PHACTR4: variants seen among roughly 807,000 people sequenced by gnomAD.
The protein encoded by PHACTR4 is protein phosphatase 1, regulatory subunit 124.
Under a neutral mutation model 72.7 loss-of-function variants are expected in PHACTR4, and 51 were observed. That is an observed-to-expected ratio of 0.70 (90% CI 0.56 to 0.89). PHACTR4 has a LOEUF of 0.89. Ranked by LOEUF, PHACTR4 falls within the 40% of genes least tolerant of loss-of-function variation. The pLI is 0.00. For synonymous variants in PHACTR4, 255 were observed against 302.5 expected (o/e 0.84, Z 1.63); for missense variants, 731 against 861.8 (o/e 0.85, Z 1.90).
chr1:28,408,747 C>G (rs1654554221), intron 2 of PHACTR4, among the ~76,000 whole-genome samples: 1 of 150,988 alleles, frequency 6.6e-6, no homozygotes, highest in Non-Finnish European at 1.5e-5. Context: ...ACCATCACAG[C>G]TCACTGCAGC....
At chr1:28,486,386 G>GTGA (rs1472125095) in intron 9 of PHACTR4, among the ~76,000 whole-genome samples, 1 of 152,002 alleles carries the variant, frequency 6.6e-6, no homozygotes, top group Non-Finnish European at 1.5e-5. Flanking sequence ...AAATACAGGA[G>GTGA]TGATATGTTC....
rs1156358750 is a variant in PHACTR4, at chr1:28,395,204, G to A, written c.-38-12206G>A. Among the ~76,000 whole-genome samples the A allele has an allele frequency of 3.9e-5, 6 of 152,030 alleles. No homozygotes were observed. In the South Asian group the frequency reaches 8.3e-4, roughly 21 times the overall value. On this transcript the variant is annotated intron_variant, in intron 1 of 13. Transcript: ENST00000373839. Reference sequence around the variant, plus strand: ...CTGGGATACAGCCATGAGCCACCAGGCCCGGCTGGCCATCTTTTAAAAGTA... The same window carrying A: ...CTGGGATACAGCCATGAGCCACCAGACCCGGCTGGCCATCTTTTAAAAGTA...
At chr1:28,474,267 C>A in intron 7 of PHACTR4, 116 bp downstream of exon 7, 1 of 979,698 alleles carries the variant, frequency 1.0e-6, no homozygotes, top group Non-Finnish European at 1.5e-6. Flanking sequence ...CACCTGTAAG[C>A]CCAGCACTTT....
chr1:28,387,154 G>A (rs1353763981), intron 1 of PHACTR4, among the ~76,000 whole-genome samples: 1 of 151,640 alleles, frequency 6.6e-6, no homozygotes, highest in Non-Finnish European at 1.5e-5. Context: ...CCAGCTACTC[G>A]GGAGGCTGAG....
intron 1 of PHACTR4, among the ~76,000 whole-genome samples, chr1:28,393,753 T>C (rs1170588160): frequency 2.0e-5 from 3 of 152,172 alleles, no homozygotes; most frequent in Non-Finnish European, 4.4e-5. Flanking sequence ...TTGCCCAGGC[T>C]GGAGTGCAAT....
intron 2 of PHACTR4, among the ~76,000 whole-genome samples, chr1:28,440,684 G>A (rs1461906871): frequency 1.6e-4 from 25 of 152,034 alleles, no homozygotes; most frequent in Admixed American, 1.6e-3. Flanking sequence ...TTGACTATCA[G>A]CAGTTTTCAT....
chr1:28,466,500 A>G lies in PHACTR4; in HGVS notation c.555A>G (p.Gln185=). ...LSSSHEASEG[Q]AKDATSSGGT... is the part of the protein sequence containing the mutation. ...CTTCTCATGAAGCAAGTGAAGGGCAAGCAAAGGATGCCACTTCCTCTGGCG... is the reference window on the plus strand; with the variant it reads ...CTTCTCATGAAGCAAGTGAAGGGCAGGCAAAGGATGCCACTTCCTCTGGCG... Residue 185 remains glutamine (Q), a synonymous_variant, in exon 6 of 14, where the codon CAA becomes CAG. Transcript: ENST00000373839. 1 of 1,614,136 alleles carries G rather than the reference A, an allele frequency of 6.2e-7. No homozygotes were observed. Among genetic ancestry groups the G allele is most frequent in the Non-Finnish European group, 8.5e-7 (1 of 1,180,026 alleles).
chr1:28,379,729 A>G (rs1651991157), intron 1 of PHACTR4, among the ~76,000 whole-genome samples: 1 of 151,362 alleles, frequency 6.6e-6, no homozygotes, highest in Admixed American at 6.6e-5. Flanking sequence ...AGCTGGGACT[A>G]CAGGCGCCCG....
intron 1 of PHACTR4, among the ~76,000 whole-genome samples, chr1:28,390,741 C>T (rs941745167): frequency 2.6e-5 from 4 of 151,676 alleles, no homozygotes; most frequent in East Asian, 2.0e-4. Context: ...TGCAGTGAGC[C>T]GAGATCACGC....
intron 2 of PHACTR4, among the ~76,000 whole-genome samples, chr1:28,432,636 G>T (rs61783838): frequency 0.39 from 58,471 of 151,616 alleles, 12,947 homozygotes; most frequent in African/African-American, 0.6. Context: ...GACTCTGTCT[G>T]TAAAAAAAAA....
At chr1:28,425,281 G>C (rs963779350) in intron 2 of PHACTR4, among the ~76,000 whole-genome samples, 23 of 151,732 alleles carry the variant, frequency 1.5e-4, no homozygotes, top group African/African-American at 5.3e-4. Flanking sequence ...ACCACACCCA[G>C]CTAAGTTTTG....
intron 7 of PHACTR4, among the ~76,000 whole-genome samples, chr1:28,475,336 A>G (rs1247923700): frequency 6.6e-6 from 1 of 152,118 alleles, no homozygotes; most frequent in African/African-American, 2.4e-5. Context: ...ATGTACATGA[A>G]AAATTACAAC....
At chr1:28,454,005 CAG>C in intron 2 of PHACTR4, 1 of 436,878 alleles carries the variant, frequency 2.3e-6, no homozygotes. Flanking sequence ...CCCTTGAGCT[CAG>C]GGGTTTGAGA....
chr1:28,436,787 AT>A (rs540573842), intron 2 of PHACTR4, among the ~76,000 whole-genome samples: 6 of 152,210 alleles, frequency 3.9e-5, no homozygotes, highest in Non-Finnish European at 8.8e-5. Context: ...TTAGTTACGG[AT>A]AAAAAAGGAA....
At chr1:28,462,063 A>G (rs1658850733) in intron 4 of PHACTR4, among the ~76,000 whole-genome samples, 1 of 151,558 alleles carries the variant, frequency 6.6e-6, no homozygotes, top group African/African-American at 2.4e-5. Flanking sequence ...GCTGGAGTGC[A>G]GTGGTGTGAT....
rs1013213312 is a variant in PHACTR4 at position 28,407,426 on chromosome 1, C to G, written c.-22C>G. On this transcript the variant is annotated 5_prime_UTR_variant, in exon 2 of 14. Coordinates refer to ENST00000373839, the MANE Select transcript of PHACTR4 (RefSeq NM_001048183.3). ...TCTTTTTAGAAACAGTATCTCACCT[C>G]CCTAAACTGGTTAATAGTGGCATGG... is the stretch of plus-strand genomic sequence containing the variant. 1 of 1,599,750 alleles carries G rather than the reference C, an allele frequency of 6.3e-7. No individual in the cohort carries two copies. The highest frequency in any genetic ancestry group is 8.6e-7 in the Non-Finnish European group (1 of 1,168,550).
intron 2 of PHACTR4, among the ~76,000 whole-genome samples, chr1:28,447,203 G>C (rs1182327446): frequency 2.0e-5 from 3 of 151,550 alleles, no homozygotes; most frequent in African/African-American, 7.3e-5. Context: ...GTAGAGACGG[G>C]GTTTCGCCGT....
At chr1:28,415,834 TA>T (rs1374137620) in intron 2 of PHACTR4, among the ~76,000 whole-genome samples, 1 of 152,218 alleles carries the variant, frequency 6.6e-6, no homozygotes, top group African/African-American at 2.4e-5. Context: ...TTGTATCATA[TA>T]GGAAATAGGA....
chr1:28,415,949 C>T (rs1655079748), intron 2 of PHACTR4, among the ~76,000 whole-genome samples: 1 of 152,002 alleles, frequency 6.6e-6, no homozygotes, highest in Admixed American at 6.6e-5. Flanking sequence ...TATGATGATG[C>T]TATAAAGGAG....
Sources: allele counts gnomAD v4.1 joint callset (sites outside exome capture counted in the v4.1 genomes callset), GRCh38; gene constraint gnomAD v4.1.1; transcripts MANE v1.5; gene names NCBI Gene and HGNC (gene_info 2026-07-23, HGNC 2026-07-21).